BCAR3: variants seen among roughly 807,000 people sequenced by gnomAD.
The protein encoded by BCAR3 is breast cancer anti-estrogen resistance protein 3.
In BCAR3, 37 loss-of-function variants were observed where a neutral mutation model predicts 80.1. The ratio of observed to expected loss-of-function variants is 0.46; its 90% confidence interval spans 0.36 to 0.61. BCAR3 has a LOEUF of 0.61. Among genes scored for constraint, BCAR3 ranks in the 20% least tolerant of loss-of-function variants. BCAR3 has a pLI of 0.00. For missense variants in BCAR3, 978 were observed against 1,068.2 expected, an observed-to-expected ratio of 0.92 and a Z score of 1.18; for synonymous variants, 389 against 418.9, an observed-to-expected ratio of 0.93 and a Z score of 0.87.
At chr1:93,838,956 C>G (rs929755865) in intron 2 of BCAR3, among the ~76,000 whole-genome samples, 10 of 152,198 alleles carry the variant, frequency 6.6e-5, no homozygotes, top group Non-Finnish European at 1.5e-4. Flanking sequence ...CATTCTGAGT[C>G]TAGTTCCAAA....
intron 2 of BCAR3, among the ~76,000 whole-genome samples, chr1:93,843,401 C>T (rs1655034203): frequency 6.6e-6 from 1 of 152,216 alleles, no homozygotes; most frequent in African/African-American, 2.4e-5. Context: ...TTGTTACACA[C>T]TTACCATGTG....
chr1:93,591,784 G>C (rs1314724815), intron 4 of BCAR3, among the ~76,000 whole-genome samples: 7 of 152,226 alleles, frequency 4.6e-5, no homozygotes, highest in Non-Finnish European at 8.8e-5. Context: ...GTAGGGAAGT[G>C]ATGGAGAGTG....
chr1:93,673,470 T>C (rs1230151822), intron 2 of BCAR3, among the ~76,000 whole-genome samples: 2 of 152,186 alleles, frequency 1.3e-5, no homozygotes, highest in Admixed American at 1.3e-4. Context: ...GCTCCATATA[T>C]AAATATTGAA....
In BCAR3 at chr1:93,601,795, G is replaced by C. The variant is rs560939905; in HGVS notation, c.358-9402C>G. Among the ~76,000 whole-genome samples, 8 of 152,342 alleles carry C rather than the reference G, an allele frequency of 5.3e-5. 1 individual carries two copies. The South Asian group carries it at 1.4e-3, about 28-fold the overall frequency. On this transcript the variant is annotated intron_variant, in intron 3 of 11. Transcript: ENST00000260502. ...AATGTGTGCATAAAAAGAGGAGGTG[G>C]GGAGGAGAAGGGAGAGGAGGCTGGA...
intron 3 of BCAR3, among the ~76,000 whole-genome samples, chr1:93,632,637 T>C (rs1372646083): frequency 6.6e-6 from 1 of 152,206 alleles, no homozygotes; most frequent in East Asian, 1.9e-4. Context: ...CCCACCATTA[T>C]AGGAAAAGCA....
chr1:93,739,987 G>A (rs903291421), intron 2 of BCAR3, among the ~76,000 whole-genome samples: 2 of 149,588 alleles, frequency 1.3e-5, no homozygotes, highest in East Asian at 4.0e-4. Flanking sequence ...AGTGAGCCGA[G>A]ATCATGCCAC....
chr1:93,724,568 C>T (rs186024094), intron 2 of BCAR3, among the ~76,000 whole-genome samples: 17 of 152,310 alleles, frequency 1.1e-4, no homozygotes, highest in Admixed American at 9.8e-4. Context: ...TCCTGCAGCA[C>T]TGTGAGCCTG....
At chr1:93,594,562 T>C (rs1408445290) in intron 3 of BCAR3, 2 of 152,264 alleles carry the variant, frequency 1.3e-5, no homozygotes, top group African/African-American at 4.8e-5. Flanking sequence ...CTCCAGGTCT[T>C]CTAGGTGATC....
intron 3 of BCAR3, among the ~76,000 whole-genome samples, chr1:93,631,381 T>G (rs569780315): frequency 6.6e-6 from 1 of 152,270 alleles, no homozygotes; most frequent in African/African-American, 2.4e-5. Flanking sequence ...AACATATCGC[T>G]TTTGGGGGAC....
chr1:93,759,104 T>C (rs577010687), intron 2 of BCAR3, among the ~76,000 whole-genome samples: 3 of 152,326 alleles, frequency 2.0e-5, no homozygotes, highest in Admixed American at 6.5e-5. Flanking sequence ...CACAGGCTGA[T>C]GCAACCCACA....
chr1:93,731,422 G>A (rs936471518), intron 2 of BCAR3, among the ~76,000 whole-genome samples: 5 of 152,106 alleles, frequency 3.3e-5, no homozygotes, highest in African/African-American at 1.2e-4. Flanking sequence ...TCTAAAGCTA[G>A]TTTGTTTTTT....
Position 93,592,552 on chromosome 1 carries a change from G to T in BCAR3, c.358-159C>A. On this transcript the variant is annotated intron_variant, in intron 3 of 11. Coordinates refer to ENST00000260502, the MANE Select transcript of BCAR3 (RefSeq NM_003567.4). This position sits in a 1 kb window ranked among gnomAD's most constrained non-coding sequence, Gnocchi z 4.8. ...TGATTACAAAGAGCTGTGACCTTTCGTTTCTCCGGCCGCAACCATGTAATA... is the reference window on the plus strand; with the variant it reads ...TGATTACAAAGAGCTGTGACCTTTCTTTTCTCCGGCCGCAACCATGTAATA... 1 of 1,011,376 alleles carries T rather than the reference G, an allele frequency of 9.9e-7. No homozygotes were observed. The highest frequency in any genetic ancestry group is 1.8e-5 in the South Asian group (1 of 56,144). The allele number at this position is 1,011,376 out of a possible 1,614,324, so 62.7% of individuals were successfully genotyped here. A position where few individuals can be genotyped will look rare whatever the true frequency, so the allele number is the denominator to read the frequency against.
chr1:93,818,161 T>C (rs1269009255), intron 2 of BCAR3, among the ~76,000 whole-genome samples: 2 of 152,272 alleles, frequency 1.3e-5, no homozygotes, highest in Non-Finnish European at 2.9e-5. Context: ...GAGTGCCAAG[T>C]GTCTCCTTTT....
At chr1:93,764,553 T>C (rs1371204419) in intron 2 of BCAR3, among the ~76,000 whole-genome samples, 1 of 152,104 alleles carries the variant, frequency 6.6e-6, no homozygotes, top group Non-Finnish European at 1.5e-5. Flanking sequence ...CTGCTGCGGC[T>C]ATCACCACTC....
In BCAR3 at chr1:93,571,780, C is replaced by T. The variant is rs1278680477; in HGVS notation, c.1864G>A (p.Asp622Asn). The change falls in exon 9 of 12, where the codon GAC becomes AAC. Residue 622 changes from aspartate (D) to asparagine (N), a missense_variant. Transcript: ENST00000260502. ...ATCTTACTCAGAGTGGCCGCTCGGT[C>T]CTCCAAAGTGCCCGTGCATCCCAGA... ...DILGCTGTLE[D>N]RAATLSKIIQ... 6.2e-7 allele frequency: 1 copy of T among 1,614,182 alleles called. No homozygotes were observed. Among genetic ancestry groups the T allele is most frequent in the South Asian group, 1.1e-5 (1 of 91,080 alleles).
At chr1:93,710,826 A>G (rs2101979620) in intron 2 of BCAR3, among the ~76,000 whole-genome samples, 1 of 152,314 alleles carries the variant, frequency 6.6e-6, no homozygotes, top group African/African-American at 2.4e-5. Flanking sequence ...GTTATCTCAC[A>G]TATTCTTTGG....
At chr1:93,567,252 G>A (rs116037354) in intron 11 of BCAR3, 27 bp downstream of exon 11, 1 of 1,610,164 alleles carries the variant, frequency 6.2e-7, no homozygotes, top group African/African-American at 1.3e-5. Flanking sequence ...CAGTGTTAGA[G>A]AACAGCTTAC....
rs368653940 is a variant in BCAR3 at position 93,574,121 on chromosome 1, A to C, written c.1802+1893T>G. 3.2e-4 allele frequency among the ~76,000 whole-genome samples: 48 copies of C among 152,228 alleles called. No homozygotes were observed. In the East Asian group the frequency reaches 8.7e-3, roughly 28 times the overall value. On this transcript the variant is annotated intron_variant, in intron 8 of 11. Transcript: ENST00000260502. ...TGTATAAATGGTTAACTGAATGGTT[A>C]TATCCATTCACTCAACCAATATTTG...
intron 2 of BCAR3, among the ~76,000 whole-genome samples, chr1:93,770,233 G>T (rs1201763556): frequency 1.3e-5 from 2 of 152,162 alleles, no homozygotes; most frequent in African/African-American, 4.8e-5. Context: ...CGGAAGAGCT[G>T]CTGGGGGAGT....
Sources: allele counts gnomAD v4.1 joint callset (sites outside exome capture counted in the v4.1 genomes callset), GRCh38; gene constraint gnomAD v4.1.1; non-coding constraint Gnocchi (gnomAD v3.1); transcripts MANE v1.5; gene names NCBI Gene and HGNC (gene_info 2026-07-23, HGNC 2026-07-21).